The following PCDHGB1 variants were observed in gnomAD, a reference collection of about 807,000 sequenced individuals.
PCDHGB1 encodes protocadherin gamma subfamily B, 1.
In PCDHGB1, 34 loss-of-function variants were observed where a neutral mutation model predicts 56.6. The observed-to-expected ratio is 0.60, with a 90% CI of 0.46 to 0.80. The LOEUF is 0.80. PCDHGB1 is among the 30% of genes least tolerant of loss of function. PCDHGB1 has a pLI of 0.00. For synonymous variants in PCDHGB1, 561 were observed against 505.9 expected (o/e 1.11, Z -1.46); for missense variants, 1,278 against 1,204.6 (o/e 1.06, Z -0.90).
At chr5:141,400,404 GT>G (rs2094016313) in intron 1 of PCDHGB1, 1 of 1,613,948 alleles carries the variant, frequency 6.2e-7, no homozygotes, top group South Asian at 1.1e-5. Flanking sequence ...GAAAGACGGA[GT>G]TTAATTTCCT....
intron 1 of PCDHGB1, among the ~76,000 whole-genome samples, chr5:141,451,284 G>C (rs950768919): frequency 2.6e-5 from 4 of 152,186 alleles, no homozygotes; most frequent in African/African-American, 9.7e-5. Flanking sequence ...GAGTGCCTCT[G>C]CCTCAAAGTC....
chr5:141,434,906 C>A lies in PCDHGB1; in HGVS notation c.2410-59901C>A, dbSNP rs1044434492. ...AACAATCCAGTCCCCTTCCCTCATA[C>A]CTTATTTATGTACATATATTTTATA... On this transcript the variant is annotated intron_variant, in intron 1 of 3. Coordinates refer to ENST00000523390, the MANE Select transcript of PCDHGB1 (RefSeq NM_018922.3). Among the ~76,000 whole-genome samples the A allele has an allele frequency of 2.0e-5, 3 of 151,752 alleles. No individual in the cohort carries two copies. In the South Asian group the frequency reaches 6.2e-4, roughly 32 times the overall value.
rs148995268 is a variant in PCDHGB1, at chr5:141,486,253, C to T, written c.2410-8554C>T. On this transcript the variant is annotated intron_variant, in intron 1 of 3. Coordinates refer to ENST00000523390, the MANE Select transcript of PCDHGB1 (RefSeq NM_018922.3). The surrounding 1 kb of genome is among the most constrained non-coding windows in gnomAD (Gnocchi z 5.0). The stretch of plus-strand genomic sequence containing the variant: ...TGACCTCAGAGCTTGGAACCCTCCC[C>T]GAGAGTGCAGAACCTGGCACTGTGG... 8 of 1,614,020 alleles carry T rather than the reference C, an allele frequency of 5.0e-6. No individual in the cohort carries two copies. The African/African-American group carries it at 8.0e-5, about 16-fold the overall frequency.
At chr5:141,401,129 G>A (rs1327832164) in intron 1 of PCDHGB1, among the ~76,000 whole-genome samples, 3 of 152,168 alleles carry the variant, frequency 2.0e-5, no homozygotes, top group African/African-American at 7.2e-5. Context: ...GGATCACATG[G>A]TCAGGAGTTC....
At chr5:141,458,728 T>A (rs1010109573) in intron 1 of PCDHGB1, among the ~76,000 whole-genome samples, 1 of 151,870 alleles carries the variant, frequency 6.6e-6, no homozygotes, top group Non-Finnish European at 1.5e-5. Context: ...CGCCACCACA[T>A]CCAGCTATTG....
At chr5:141,458,899 T>A (rs1398965632) in intron 1 of PCDHGB1, among the ~76,000 whole-genome samples, 2 of 152,106 alleles carry the variant, frequency 1.3e-5, no homozygotes, top group African/African-American at 2.4e-5. Context: ...GCGCAGCTAA[T>A]TTTTTCTATT....
At position 141,489,632 on chromosome 5, in the gene PCDHGB1, C is replaced by T; in HGVS notation, c.2410-5175C>T. 6.2e-7 allele frequency: 1 copy of T among 1,614,138 alleles called. No homozygotes were observed. Among genetic ancestry groups the T allele is most frequent in the Non-Finnish European group, 8.5e-7 (1 of 1,180,010 alleles). Reference sequence around the variant, plus strand: ...ATCCTGGATCTCAATGACAACTCTCCTAGCTTTGCCACCCCTGAGCGAGAG... The same window carrying T: ...ATCCTGGATCTCAATGACAACTCTCTTAGCTTTGCCACCCCTGAGCGAGAG... On this transcript the variant is annotated intron_variant, in intron 1 of 3. Transcript: ENST00000523390. The surrounding 1 kb of genome is among the most constrained non-coding windows in gnomAD (Gnocchi z 4.5).
At chr5:141,415,046 G>C in intron 1 of PCDHGB1, 1 of 1,613,468 alleles carries the variant, frequency 6.2e-7, no homozygotes, top group Non-Finnish European at 8.5e-7. Context: ...TTCGCGGTGG[G>C]GGAGCACACG....
chr5:141,382,904 C>G, intron 1 of PCDHGB1: 1 of 1,543,132 alleles, frequency 6.5e-7, no homozygotes, highest in Non-Finnish European at 8.7e-7. Context: ...ACGACTATGG[C>G]GGCTCAGCCG....
chr5:141,356,117 G>C, intron 1 of PCDHGB1: 1 of 1,613,870 alleles, frequency 6.2e-7, no homozygotes, highest in Non-Finnish European at 8.5e-7. Flanking sequence ...ATATTGGGGG[G>C]TCTAGATTAT....
At chr5:141,418,436 G>A in intron 1 of PCDHGB1, 1 of 1,614,000 alleles carries the variant, frequency 6.2e-7, no homozygotes. Flanking sequence ...CAAATATCCA[G>A]AATTAGTATT....
At chr5:141,366,700 T>C in intron 1 of PCDHGB1, 1 of 1,614,248 alleles carries the variant, frequency 6.2e-7, no homozygotes, top group Non-Finnish European at 8.5e-7. Context: ...AAAGCGAGCC[T>C]CTTCTGATGT....
intron 1 of PCDHGB1, chr5:141,392,652 A>T: frequency 1.4e-6 from 1 of 713,126 alleles, no homozygotes; most frequent in South Asian, 2.2e-5. Flanking sequence ...GAAGACCCGC[A>T]GATGCCACAA....
intron 1 of PCDHGB1, chr5:141,364,386 T>A (rs543592741): frequency 6.3e-7 from 1 of 1,592,172 alleles, no homozygotes; most frequent in South Asian, 1.1e-5. Context: ...CCCTTCATGC[T>A]CCTGGGGACG....
At position 141,431,363 on chromosome 5, in the gene PCDHGB1, C is replaced by T. The variant is rs765751691; in HGVS notation, c.2410-63444C>T. On this transcript the variant is annotated intron_variant, in intron 1 of 3. Transcript: ENST00000523390. The surrounding 1 kb of genome is among the most constrained non-coding windows in gnomAD (Gnocchi z 4.8). The stretch of plus-strand genomic sequence containing the variant: ...ATTGGTGCTGAAACGCGCCCTGGAC[C>T]GCGAAGAAAAGGCTGCTCACCACCT... 1 of 1,614,024 alleles carries T rather than the reference C, an allele frequency of 6.2e-7. No homozygotes were observed. The highest frequency in any genetic ancestry group is 2.2e-5 in the East Asian group (1 of 44,882).
rs1021096537 is a variant in PCDHGB1, at chr5:141,511,383, T to C, written c.*210T>C. 2 of 1,155,330 alleles carry C rather than the reference T, an allele frequency of 1.7e-6. No homozygotes were observed. Among genetic ancestry groups the C allele is most frequent in the Non-Finnish European group, 2.4e-6 (2 of 841,000 alleles). The allele number at this position is 1,155,330 out of a possible 1,614,324, so 71.6% of individuals were successfully genotyped here. ...GTTGAATATGCAAAAGCAGTTCCGC[T>C]GGGAACCCCCATCCAATCAACTGCT... is the stretch of plus-strand genomic sequence containing the variant. On this transcript the variant is annotated 3_prime_UTR_variant, in exon 4 of 4. Transcript: ENST00000523390.
chr5:141,415,977 C>A (rs1479258110), intron 1 of PCDHGB1: 2 of 354,488 alleles, frequency 5.6e-6, no homozygotes, highest in Non-Finnish European at 9.4e-6. Context: ...CCTTAAGCAA[C>A]CCTCTTGTTC....
intron 1 of PCDHGB1, chr5:141,383,335 A>G (rs768493481): frequency 3.1e-6 from 5 of 1,613,892 alleles, no homozygotes; most frequent in Non-Finnish European, 4.2e-6. Flanking sequence ...AATGGAGAAT[A>G]CAGCTCCTGG....
At chr5:141,466,146 T>C (rs977109086) in intron 1 of PCDHGB1, among the ~76,000 whole-genome samples, 5 of 151,880 alleles carry the variant, frequency 3.3e-5, no homozygotes, top group Non-Finnish European at 7.4e-5. Context: ...GTGAAAACTC[T>C]GGTCTTAAAC....
Sources: allele counts gnomAD v4.1 joint callset (sites outside exome capture counted in the v4.1 genomes callset), GRCh38; gene constraint gnomAD v4.1.1; non-coding constraint Gnocchi (gnomAD v3.1); transcripts MANE v1.5; gene names NCBI Gene and HGNC (gene_info 2026-07-23, HGNC 2026-07-21).